Variants in LCORL observed in about 807,000 individuals in gnomAD.
The protein encoded by LCORL is ligand-dependent nuclear receptor corepressor-like protein.
A neutral mutation model predicts 141.8 loss-of-function variants in LCORL; 41 were observed. The ratio of observed to expected loss-of-function variants is 0.29; its 90% CI spans 0.23 to 0.38. LCORL has a LOEUF of 0.38. LCORL is among the 10% of genes least tolerant of loss of function. The pLI, the probability that LCORL is intolerant of heterozygous loss-of-function variation, is 1.00. For synonymous variants in LCORL, 618 were observed against 694.1 expected (o/e 0.89, Z 1.72); for missense variants, 1,759 against 2,035.0 (o/e 0.86, Z 2.61).
At chr4:17,894,887 A>G (rs1729656230) in intron 5 of LCORL, among the ~76,000 whole-genome samples, 1 of 152,102 alleles carries the variant, frequency 6.6e-6, no homozygotes, top group African/African-American at 2.4e-5. Flanking sequence ...GTGAAGTGAC[A>G]TATCACGAGG....
intron 4 of LCORL, among the ~76,000 whole-genome samples, chr4:17,915,549 T>C (rs1317763419): frequency 6.6e-6 from 1 of 152,190 alleles, no homozygotes; most frequent in Non-Finnish European, 1.5e-5. Context: ...GAAGTGGCCT[T>C]TGGGAATAGT....
At position 17,987,932 on chromosome 4, in the gene LCORL, G is replaced by C. The variant is rs889759648; in HGVS notation, c.155-15047C>G. Among the ~76,000 whole-genome samples the C allele has an allele frequency of 7.2e-5, 11 of 152,254 alleles. No homozygotes were observed. In the East Asian group the frequency reaches 1.9e-3, roughly 27 times the overall value. On this transcript the variant is annotated intron_variant, in intron 1 of 7. Coordinates refer to ENST00000635767, the Ensembl canonical transcript of LCORL. ...AATATTTTCTTCAAGCCTGTGGATT[G>C]TCTTTTTCTTGATACAGGATGATAT...
At chr4:17,961,918 G>T in exon 4 of LCORL, 1 of 1,609,394 alleles carries the variant, frequency 6.2e-7, no homozygotes, top group South Asian at 1.1e-5. Context: ...TTTCGAAAGA[G>T]TGCATTTAGG....
At chr4:17,921,958 C>A (rs1392926740) in intron 4 of LCORL, among the ~76,000 whole-genome samples, 2 of 152,188 alleles carry the variant, frequency 1.3e-5, no homozygotes, top group African/African-American at 4.8e-5. Context: ...CTTGGACCTA[C>A]ACCAGTGGTT....
At chr4:18,008,532 TG>T (rs1240101799) in intron 1 of LCORL, among the ~76,000 whole-genome samples, 1 of 152,242 alleles carries the variant, frequency 6.6e-6, no homozygotes, top group Non-Finnish European at 1.5e-5. Context: ...TGGTTAAGAC[TG>T]GATGTGAATT....
At chr4:17,961,781 GA>G (rs764729635) in intron 4 of LCORL, 121 bp downstream of exon 4, 3 of 683,096 alleles carry the variant, frequency 4.4e-6, no homozygotes, top group Non-Finnish European at 6.9e-6. Context: ...GAAAAATTAA[GA>G]ATAAAGAAAC....
At chr4:17,853,674 T>G (rs1338776151) in intron 7 of LCORL, among the ~76,000 whole-genome samples, 2 of 152,142 alleles carry the variant, frequency 1.3e-5, no homozygotes, top group Non-Finnish European at 2.9e-5. Context: ...ACAGCTTACT[T>G]TCTTCTGGAA....
intron 4 of LCORL, among the ~76,000 whole-genome samples, chr4:17,929,220 A>T (rs1474129911): frequency 6.6e-6 from 1 of 152,230 alleles, no homozygotes; most frequent in African/African-American, 2.4e-5. Flanking sequence ...TTTTATCAAC[A>T]GGTTCAACAG....
At chr4:17,939,490 A>C (rs1248488932) in intron 4 of LCORL, among the ~76,000 whole-genome samples, 1 of 152,178 alleles carries the variant, frequency 6.6e-6, no homozygotes, top group East Asian at 1.9e-4. Flanking sequence ...AATGGAACAG[A>C]TGTCTAAAAA....
At chr4:17,875,255 C>T (rs1159714412) in exon 7 of LCORL, 2 of 1,231,436 alleles carry the variant, frequency 1.6e-6, no homozygotes, top group Non-Finnish European at 2.0e-6. Flanking sequence ...TACCAGGCTT[C>T]CTACTTATTG....
In LCORL at chr4:17,845,675, G is replaced by A. The variant is rs200912267; in HGVS notation, c.*213C>T. ...ATTGATAAATGCTTATTGTTCAGAA[G>A]GAATACTGACATACAAAATAAAGAT... On this transcript the variant is annotated 3_prime_UTR_variant, in exon 8 of 8. Coordinates refer to ENST00000635767, the Ensembl canonical transcript of LCORL. 271 of 1,377,638 alleles carry A rather than the reference G, an allele frequency of 2.0e-4. No individual in the cohort carries two copies. In the African/African-American group the frequency reaches 3.6e-3, roughly 18 times the overall value. 85.3% of individuals were successfully genotyped at this position (1,377,638 alleles called of 1,614,324 possible).
rs199801848 is a variant in LCORL at position 17,962,084 on chromosome 4, T to C, written c.301-52A>G. 6.7e-4 allele frequency: 890 copies of C among 1,337,768 alleles called. 4 individuals are homozygous for C. The highest frequency in any genetic ancestry group is 1.7e-3 in the Middle Eastern group (9 of 5,312). 82.9% of individuals were successfully genotyped at this position (1,337,768 alleles called of 1,614,324 possible). A position where few individuals can be genotyped will look rare whatever the true frequency, so the allele number is the denominator to read the frequency against. ...ACAGAATTATTTTTTAATTCAAACA[T>C]GGAATTCCATTAAAAATGACAAAAA... On this transcript the variant is annotated intron_variant, in intron 3 of 7. Transcript: ENST00000635767.
intron 5 of LCORL, among the ~76,000 whole-genome samples, chr4:17,886,413 T>C (rs1231377120): frequency 6.6e-6 from 1 of 152,056 alleles, no homozygotes; most frequent in African/African-American, 2.4e-5. Context: ...ATAAAATTTG[T>C]CTAAGATAAA....
intron 5 of LCORL, among the ~76,000 whole-genome samples, chr4:17,903,561 C>CA (rs1731182615): frequency 6.6e-6 from 1 of 152,002 alleles, no homozygotes; most frequent in Non-Finnish European, 1.5e-5. Context: ...TGTACTAGGA[C>CA]AAAAAAGAAT....
intron 4 of LCORL, among the ~76,000 whole-genome samples, chr4:17,918,311 C>T (rs1170470396): frequency 6.6e-6 from 1 of 152,024 alleles, no homozygotes. Flanking sequence ...CATTATGGGA[C>T]ATGCAAAGAC....
At chr4:17,871,145 CAAG>C (rs1378523028) in intron 7 of LCORL, among the ~76,000 whole-genome samples, 1 of 150,462 alleles carries the variant, frequency 6.6e-6, no homozygotes, top group Non-Finnish European at 1.5e-5. Context: ...TATGAGATAC[CAAG>C]AATGAGAAAA....
chr4:17,961,974 T>A, exon 4 of LCORL: 1 of 1,609,406 alleles, frequency 6.2e-7, no homozygotes, highest in Non-Finnish European at 8.5e-7. Flanking sequence ...GGACTGGCCC[T>A]GAGATGATAG....
At chr4:17,926,347 C>T (rs1452304483) in intron 4 of LCORL, among the ~76,000 whole-genome samples, 4 of 152,102 alleles carry the variant, frequency 2.6e-5, no homozygotes, top group South Asian at 2.1e-4. Flanking sequence ...AGCTCGGCTA[C>T]GATAAAAGCA....
intron 5 of LCORL, among the ~76,000 whole-genome samples, chr4:17,890,537 A>G (rs745788047): frequency 2.0e-5 from 3 of 152,074 alleles, no homozygotes; most frequent in Non-Finnish European, 4.4e-5. Flanking sequence ...GTACAGGATT[A>G]TTACATTGTA....
Sources: allele counts gnomAD v4.1 joint callset (sites outside exome capture counted in the v4.1 genomes callset), GRCh38; gene constraint gnomAD v4.1.1; transcripts MANE v1.5; gene names NCBI Gene and HGNC (gene_info 2026-07-23, HGNC 2026-07-21).